RTRAF: variants seen among roughly 807,000 people sequenced by gnomAD.
RTRAF encodes tRNA-splicing ligase complex subunit RTRAF.
Under a neutral mutation model 34.4 loss-of-function variants are expected in RTRAF, and 14 were observed. The ratio of observed to expected loss-of-function variants is 0.41; its 90% CI spans 0.27 to 0.64. The LOEUF (loss-of-function observed/expected upper bound fraction) is 0.64. RTRAF is among the 30% of genes least tolerant of loss of function. The pLI is 0.34. For missense variants in RTRAF, 291 were observed against 288.4 expected, an observed-to-expected ratio of 1.01 and a Z score of -0.06; for synonymous variants, 96 against 95.3, an observed-to-expected ratio of 1.01 and a Z score of -0.04.
chr14:52,003,796 T>C lies in RTRAF; in HGVS notation c.532-398T>C, dbSNP rs73301053. 6.1e-3 allele frequency among the ~76,000 whole-genome samples: 932 copies of C among 152,298 alleles called. 8 individuals carry two copies. Among genetic ancestry groups the C allele is most frequent in the African/African-American group, 0.022 (896 of 41,556 alleles). On this transcript the variant is annotated intron_variant, in intron 6 of 7. Coordinates refer to ENST00000261700, the MANE Select transcript of RTRAF (RefSeq NM_016039.3). ...AAAGACAAATTAATGTGCTCAGAAATGGAATATAAGGTACTATTTTTGCCG... is the reference window on the plus strand; with the variant it reads ...AAAGACAAATTAATGTGCTCAGAAACGGAATATAAGGTACTATTTTTGCCG...
intron 3 of RTRAF, among the ~76,000 whole-genome samples, chr14:51,995,675 G>A (rs2140328278): frequency 6.6e-6 from 1 of 152,244 alleles, no homozygotes; most frequent in African/African-American, 2.4e-5. Context: ...TGCAGTATAT[G>A]TGAGTGTTTA....
In RTRAF at chr14:52,005,725, C is replaced by T; in HGVS notation, c.*1209C>T. The T allele has an allele frequency of 6.3e-7, 1 of 1,597,900 alleles. No individual in the cohort carries two copies. ...GCTAATTTAAAGGAGCATCCTAAAG[C>T]ATACTTTTTACCTGTTGGGCAGTAG... On this transcript the variant is annotated 3_prime_UTR_variant, in exon 8 of 8. Transcript: ENST00000261700.
At chr14:51,996,831 A>G (rs568613808) in intron 3 of RTRAF, among the ~76,000 whole-genome samples, 4 of 152,182 alleles carry the variant, frequency 2.6e-5, no homozygotes, top group Non-Finnish European at 4.4e-5. Context: ...ACCCAGAGCA[A>G]TCCTGGATTA....
chr14:51,998,103 C>T (rs539377375), intron 3 of RTRAF: 1 of 155,398 alleles, frequency 6.4e-6, no homozygotes, highest in African/African-American at 2.4e-5. Context: ...AATCTGAAAT[C>T]CTAAATGCTC....
At position 52,010,065 on chromosome 14, in the gene RTRAF, T is replaced by G. The variant is rs1051925953; in HGVS notation, c.*5549T>G. 6.6e-6 allele frequency: 1 copy of G among 152,208 alleles called. No homozygotes were observed. The highest frequency in any genetic ancestry group is 2.4e-5 in the African/African-American group (1 of 41,456). 9.4% of individuals were successfully genotyped at this position (152,208 alleles called of 1,614,324 possible). A position where few individuals can be genotyped will look rare whatever the true frequency, so the allele number is the denominator to read the frequency against. ...AAGGCAAGCCTATGCAAAGAGTTTT[T>G]AAGAGGGCTATTAATTCCTGTTAAG... On this transcript the variant is annotated 3_prime_UTR_variant, in exon 8 of 8. Transcript: ENST00000261700.
At chr14:52,001,737 T>C in intron 5 of RTRAF, 61 bp from the exon 6 acceptor site, 1 of 1,334,756 alleles carries the variant, frequency 7.5e-7, no homozygotes. Flanking sequence ...TCTGGGCTCA[T>C]AGAAGAAAGG....
intron 6 of RTRAF, among the ~76,000 whole-genome samples, chr14:52,003,665 G>A (rs888169054): frequency 2.0e-5 from 3 of 148,880 alleles, no homozygotes; most frequent in Non-Finnish European, 4.4e-5. Flanking sequence ...TTCCTAGACT[G>A]TTTGTTTCAA....
rs1566735111 is a variant in RTRAF at position 52,004,178 on chromosome 14, C to CTTTCT, written c.532-12_532-8dup. 3 of 1,604,558 alleles carry CTTTCT rather than the reference C, an allele frequency of 1.9e-6. No individual in the cohort carries two copies. The African/African-American group carries it at 4.0e-5, about 22-fold the overall frequency. On this transcript the variant is annotated splice_polypyrimidine_tract_variant and intron_variant, in intron 6 of 7. Coordinates refer to ENST00000261700, the MANE Select transcript of RTRAF (RefSeq NM_016039.3). ...TTAACCATAAATACTCTCATTTTGTCTTTCTTTTTTTAAAGGGCTTACCTG... is the reference window on the plus strand; with the variant it reads ...TTAACCATAAATACTCTCATTTTGTCTTTCTTTTCTTTTTTTAAAGGGCTTACCTG...
Position 52,001,976 on chromosome 14 carries a change from A to G in RTRAF, c.531+110A>G, listed in dbSNP as rs1407790210. The G allele has an allele frequency of 1.9e-5, 18 of 942,344 alleles. No individual in the cohort carries two copies. The East Asian group carries it at 4.9e-4, about 25-fold the overall frequency. 58.4% of individuals were successfully genotyped at this position (942,344 alleles called of 1,614,324 possible). A position where few individuals can be genotyped will look rare whatever the true frequency, so the allele number is the denominator to read the frequency against. On this transcript the variant is annotated intron_variant, in intron 6 of 7. Transcript: ENST00000261700. ...TAAGATATCCATTCTACGTTCTACA[A>G]CTTAGAGAAAGGATAGCTTACTTCA...
rs1392170477 is a variant in RTRAF, at chr14:52,006,032, C to CTGCATGTTAGAATCACATGA, written c.*1519_*1538dup. Reference sequence around the variant, plus strand: ...CTCTAAATCCATTGCTCATCTCTAGCTGCATGTTAGAATCACATGATGAGC... The same window carrying CTGCATGTTAGAATCACATGA: ...CTCTAAATCCATTGCTCATCTCTAGCTGCATGTTAGAATCACATGATGCATGTTAGAATCACATGATGAGC... On this transcript the variant is annotated 3_prime_UTR_variant, in exon 8 of 8. Transcript: ENST00000261700. 1.3e-5 allele frequency: 7 copies of CTGCATGTTAGAATCACATGA among 554,584 alleles called. No individual in the cohort carries two copies. Among genetic ancestry groups the CTGCATGTTAGAATCACATGA allele is most frequent in the East Asian group, 2.9e-5 (1 of 34,148 alleles). 34.4% of individuals were successfully genotyped at this position (554,584 alleles called of 1,614,324 possible).
chr14:52,006,360 AACATGAAAGG>A lies in RTRAF; in HGVS notation c.*1846_*1855del. ...GGTGAAGTAAAAGGATGATTTCAAA[AACATGAAAGG>A]ATGAAAAACATCCTTGAAGGATCTT... On this transcript the variant is annotated 3_prime_UTR_variant, in exon 8 of 8. Transcript: ENST00000261700. 1.5e-6 allele frequency: 1 copy of A among 650,474 alleles called. No individual in the cohort carries two copies. The highest frequency in any genetic ancestry group is 2.0e-5 in the South Asian group (1 of 48,958). The allele number at this position is 650,474 out of a possible 1,614,324, so 40.3% of individuals were successfully genotyped here. A position where few individuals can be genotyped will look rare whatever the true frequency, so the allele number is the denominator to read the frequency against.
rs181128679 is a variant in RTRAF, at chr14:52,006,326, C to T, written c.*1810C>T. 79 of 535,990 alleles carry T rather than the reference C, an allele frequency of 1.5e-4. No individual in the cohort carries two copies. The highest frequency in any genetic ancestry group is 1.0e-3 in the Middle Eastern group (2 of 1,928). The allele number at this position is 535,990 out of a possible 1,614,324, so 33.2% of individuals were successfully genotyped here. A position where few individuals can be genotyped will look rare whatever the true frequency, so the allele number is the denominator to read the frequency against. On this transcript the variant is annotated 3_prime_UTR_variant, in exon 8 of 8. Transcript: ENST00000261700. ...TAAGCTATATGTGAGCAATACCATTCGATTTCTGGGTGAAGTAAAAGGATG... is the reference window on the plus strand; with the variant it reads ...TAAGCTATATGTGAGCAATACCATTTGATTTCTGGGTGAAGTAAAAGGATG...
rs1890770893 is a variant in RTRAF at position 52,006,130 on chromosome 14, C to CTGTGGAACAT, written c.*1615_*1616insGTGGAACATT. The CTGTGGAACAT allele has an allele frequency of 4.4e-6, 2 of 449,964 alleles. No individual in the cohort carries two copies. The highest frequency in any genetic ancestry group is 2.0e-5 in the African/African-American group (1 of 50,626). The allele number at this position is 449,964 out of a possible 1,614,324, so 27.9% of individuals were successfully genotyped here. Reference sequence around the variant, plus strand: ...TGTTCCACAGTTCCTCATTTGAGAACTAGTCTAAATAGTATTTTTCGGTCC... The same window carrying CTGTGGAACAT: ...TGTTCCACAGTTCCTCATTTGAGAACTGTGGAACATTAGTCTAAATAGTATTTTTCGGTCC... On this transcript the variant is annotated 3_prime_UTR_variant, in exon 8 of 8. Transcript: ENST00000261700.
At position 51,998,505 on chromosome 14, in the gene RTRAF, A is replaced by G. The variant is rs1890555087; in HGVS notation, c.298A>G (p.Lys100Glu). ...LEYGDNAEKY[K>E]DLVPDNSKTA... ...GCCTGTTTTTATAGCTGAAAAATAC[A>G]AGGATTTAGTACCTGATAATTCAAA... is the stretch of plus-strand genomic sequence containing the variant. The change falls in exon 4 of 8, where the codon AAG becomes GAG. Residue 100 changes from lysine (K) to glutamate (E), a missense_variant. Physicochemically the swap from Lys to Glu is moderately conservative, Grantham distance 56 (BLOSUM62 1). Coordinates refer to ENST00000261700, the MANE Select transcript of RTRAF (RefSeq NM_016039.3). 6.4e-7 allele frequency: 1 copy of G among 1,553,988 alleles called. No homozygotes were observed. The highest frequency in any genetic ancestry group is 2.0e-5 in the Admixed American group (1 of 50,984).
At chr14:51,990,884 C>T (rs550955810) in intron 1 of RTRAF, among the ~76,000 whole-genome samples, 2 of 152,282 alleles carry the variant, frequency 1.3e-5, no homozygotes, top group African/African-American at 4.8e-5. Flanking sequence ...CCCTTTCTGT[C>T]CGCAAAGGAA....
In RTRAF at chr14:52,009,539, A is replaced by T. The variant is rs372527699; in HGVS notation, c.*5023A>T. On this transcript the variant is annotated 3_prime_UTR_variant, in exon 8 of 8. Transcript: ENST00000261700. ...AAAATTCAAGTCCTTTAGCATTTATATTTGCTGTCTGGATAAGAAAGTTCT... is the reference window on the plus strand; with the variant it reads ...AAAATTCAAGTCCTTTAGCATTTATTTTTGCTGTCTGGATAAGAAAGTTCT... 4 of 152,268 alleles carry T rather than the reference A, an allele frequency of 2.6e-5. No individual in the cohort carries two copies. The highest frequency in any genetic ancestry group is 1.9e-4 in the East Asian group (1 of 5,186). The allele number at this position is 152,268 out of a possible 1,614,324, so 9.4% of individuals were successfully genotyped here. A position where few individuals can be genotyped will look rare whatever the true frequency, so the allele number is the denominator to read the frequency against.
rs754974167 is a variant in RTRAF at position 52,005,731 on chromosome 14, T to TTTTA, written c.*1216_*1219dup. ...TTAAAGGAGCATCCTAAAGCATACTTTTTACCTGTTGGGCAGTAGGGGTAG... is the reference window on the plus strand; with the variant it reads ...TTAAAGGAGCATCCTAAAGCATACTTTTTATTTACCTGTTGGGCAGTAGGGGTAG... On this transcript the variant is annotated 3_prime_UTR_variant, in exon 8 of 8. Coordinates refer to ENST00000261700, the MANE Select transcript of RTRAF (RefSeq NM_016039.3). The TTTTA allele has an allele frequency of 3.4e-5, 55 of 1,606,500 alleles. No individual in the cohort carries two copies. In the Admixed American group the frequency reaches 3.8e-4, roughly 11 times the overall value.
chr14:52,007,985 A>G lies in RTRAF; in HGVS notation c.*3469A>G. 4 of 1,589,008 alleles carry G rather than the reference A, an allele frequency of 2.5e-6. No individual in the cohort carries two copies. Among genetic ancestry groups the G allele is most frequent in the African/African-American group, 1.4e-5 (1 of 73,502 alleles). Reference sequence around the variant, plus strand: ...ACAAGTTGCTGTAAGTTAAAAATCAAGATTGTAAAAGAATAGCCATGTAGC... The same window carrying G: ...ACAAGTTGCTGTAAGTTAAAAATCAGGATTGTAAAAGAATAGCCATGTAGC... On this transcript the variant is annotated 3_prime_UTR_variant, in exon 8 of 8. Coordinates refer to ENST00000261700, the MANE Select transcript of RTRAF (RefSeq NM_016039.3).
At chr14:51,996,044 G>A (rs1481514253) in intron 3 of RTRAF, among the ~76,000 whole-genome samples, 1 of 151,832 alleles carries the variant, frequency 6.6e-6, no homozygotes. Context: ...TTTATAACCC[G>A]TTAACCTTCA....
Sources: allele counts gnomAD v4.1 joint callset (sites outside exome capture counted in the v4.1 genomes callset), GRCh38; gene constraint gnomAD v4.1.1; transcripts MANE v1.5; gene names NCBI Gene and HGNC (gene_info 2026-07-23, HGNC 2026-07-21).